The following MYL4 variants were observed in gnomAD, a reference collection of about 807,000 sequenced individuals.
MYL4 encodes the protein atrial myosin light chain 1.
In MYL4, 16 loss-of-function variants were observed where a neutral mutation model predicts 21.6. That is an observed-to-expected ratio of 0.74 (90% confidence interval 0.50 to 1.12). MYL4 has a LOEUF of 1.12. MYL4 is among the 50% of genes most tolerant of loss of function. The pLI, the probability that MYL4 is intolerant of heterozygous loss-of-function variation, is 0.00. For synonymous variants in MYL4, 82 were observed against 95.7 expected (o/e 0.86, Z 0.83); for missense variants, 249 against 252.9 (o/e 0.98, Z 0.11).
chr17:47,205,406 T>C (rs974942264), upstream of MYL4, among the ~76,000 whole-genome samples: 1 of 152,120 alleles, frequency 6.6e-6, no homozygotes, highest in African/African-American at 2.4e-5. Context: ...GGAAGGATGC[T>C]CTCGATTGGT....
At chr17:47,225,780 T>C (rs2064882986), downstream of MYL4, among the ~76,000 whole-genome samples, 1 of 151,948 alleles carries the variant, frequency 6.6e-6, no homozygotes, top group African/African-American at 2.4e-5. Context: ...TCCTTTTCTT[T>C]AAATCACACC....
At chr17:47,193,175 C>G in the MYL4 span, among the ~76,000 whole-genome samples, 1 of 151,888 alleles carries the variant, frequency 6.6e-6, no homozygotes, top group African/African-American at 2.4e-5. Flanking sequence ...CACCCCCACC[C>G]CACCCTCACC....
At chr17:47,205,367 T>G (rs542665448), upstream of MYL4, among the ~76,000 whole-genome samples, 2 of 149,794 alleles carry the variant, frequency 1.3e-5, no homozygotes, top group Admixed American at 6.6e-5. Flanking sequence ...CAACACATAT[T>G]GTAGGGCAAG....
chr17:47,222,341 C>A, intron 4 of MYL4, 39 bp from the exon 5 acceptor site: 1 of 1,594,670 alleles, frequency 6.3e-7, no homozygotes, highest in Non-Finnish European at 8.6e-7. Flanking sequence ...CCTTTGCCAT[C>A]TGTAATTAAG....
intron 2 of MYL4, among the ~76,000 whole-genome samples, chr17:47,216,156 C>T (rs1462456047): frequency 1.3e-5 from 2 of 151,874 alleles, no homozygotes; most frequent in Non-Finnish European, 2.9e-5. Context: ...GCTTCTCATC[C>T]CTCTCCAGAC....
At position 47,221,840 on chromosome 17, in the gene MYL4, G is replaced by T; in HGVS notation, c.472G>T (p.Val158Phe). 1 of 1,613,486 alleles carries T rather than the reference G, an allele frequency of 6.2e-7. No homozygotes were observed. The highest frequency in any genetic ancestry group is 8.5e-7 in the Non-Finnish European group (1 of 1,179,664). ...GGTCATGGGTGCTGAGCTTCGGCAC[G>T]TCCTTGCCACCCTGGGTATGCCAGC... ...GTVMGAELRHVLATLGEKMTE... is the reference protein window; with the variant it reads ...GTVMGAELRHFLATLGEKMTE... The change falls in exon 4 of 7, where the codon GTC becomes TTC. Residue 158 changes from valine (V) to phenylalanine (F), a missense_variant. Physicochemically the swap from Val to Phe is conservative, Grantham distance 50. Transcript: ENST00000393450.
chr17:47,201,908 A>C (rs531209815), intron 1 of MYL4, among the ~76,000 whole-genome samples: 1 of 152,350 alleles, frequency 6.6e-6, no homozygotes, highest in Non-Finnish European at 1.5e-5. Context: ...TATTATTAAA[A>C]ATTTTAATAA....
At chr17:47,224,649 C>T (rs1259328804), downstream of MYL4, among the ~76,000 whole-genome samples, 1 of 152,198 alleles carries the variant, frequency 6.6e-6, no homozygotes. Context: ...GCTTATTTCA[C>T]TTAGCACAAT....
At chr17:47,225,355 GGTTC>G (rs2064881174), downstream of MYL4, among the ~76,000 whole-genome samples, 1 of 152,168 alleles carries the variant, frequency 6.6e-6, no homozygotes, top group African/African-American at 2.4e-5. Context: ...GTTGAGCAGG[GGTTC>G]ATTGAATCCA....
chr17:47,189,450 GC>G, the MYL4 span: 17 of 543,102 alleles, frequency 3.1e-5, no homozygotes, highest in Middle Eastern at 1.5e-3. Flanking sequence ...ATTACCGGAA[GC>G]TACCGAGTCT....
At chr17:47,198,993 G>A (rs973109593), upstream of MYL4, among the ~76,000 whole-genome samples, 2 of 151,796 alleles carry the variant, frequency 1.3e-5, no homozygotes. Flanking sequence ...CCAGCACTTT[G>A]GGAGGCCGAG....
upstream of MYL4, among the ~76,000 whole-genome samples, chr17:47,196,604 C>T (rs915000075): frequency 1.3e-5 from 2 of 152,134 alleles, no homozygotes; most frequent in Non-Finnish European, 2.9e-5. Context: ...ATACATTTCC[C>T]TTACTCTTTG....
At chr17:47,191,633 G>T in the MYL4 span, among the ~76,000 whole-genome samples, 6 of 152,110 alleles carry the variant, frequency 3.9e-5, no homozygotes, top group Non-Finnish European at 8.8e-5. Context: ...ACCACGCCCG[G>T]TTAATTTTTG....
In MYL4 at chr17:47,221,057, A is replaced by G. The variant is rs138657889; in HGVS notation, c.314-625A>G. ...AGCAAGTCCTGTGTGCTTATAAAAGAAAGAAATGCCCACATTTGTGATATT... is the reference window on the plus strand; with the variant it reads ...AGCAAGTCCTGTGTGCTTATAAAAGGAAGAAATGCCCACATTTGTGATATT... On this transcript the variant is annotated intron_variant, in intron 3 of 6. Coordinates refer to ENST00000393450, the MANE Select transcript of MYL4 (RefSeq NM_002476.2). Among the ~76,000 whole-genome samples the G allele has an allele frequency of 5.3e-5, 8 of 152,336 alleles. No homozygotes were observed. In the East Asian group the frequency reaches 1.5e-3, roughly 29 times the overall value.
At chr17:47,219,472 T>C (rs2064838048) in intron 2 of MYL4, among the ~76,000 whole-genome samples, 1 of 152,054 alleles carries the variant, frequency 6.6e-6, no homozygotes, top group Non-Finnish European at 1.5e-5. Flanking sequence ...CAGAGCGGGA[T>C]GTGTGGGTGG....
chr17:47,213,792 C>G lies in MYL4; in HGVS notation c.136-7C>G, dbSNP rs745419430. The G allele has an allele frequency of 1.2e-6, 2 of 1,614,106 alleles. No homozygotes were observed. Among genetic ancestry groups the G allele is most frequent in the East Asian group, 2.2e-5 (1 of 44,884 alleles). ...CCAAGCCCTCACTACTATTTCCCTC[C>G]CTACAGATAGACTTCACTGCCGACC... On this transcript the variant is annotated splice_polypyrimidine_tract_variant and splice_region_variant and intron_variant, in intron 1 of 6. Coordinates refer to ENST00000393450, the MANE Select transcript of MYL4 (RefSeq NM_002476.2).
chr17:47,209,669 G>A (rs2064758007), intron 1 of MYL4, 112 bp downstream of exon 1: 1 of 1,537,552 alleles, frequency 6.5e-7, no homozygotes, highest in African/African-American at 1.4e-5. Flanking sequence ...GGACTAGGGT[G>A]TCCATGCCCC....
rs9630733 is a variant in MYL4 at position 47,213,075 on chromosome 17, C to T, written c.136-724C>T. ...GGGGAGTGGTGGTGCCCAAAGAGGG[C>T]AGAAGTGCAGCTTGTCAGAGGACTA... On this transcript the variant is annotated intron_variant, in intron 1 of 6. Transcript: ENST00000393450. Among the ~76,000 whole-genome samples the T allele has an allele frequency of 4.2e-3, 642 of 152,044 alleles. 8 individuals carry two copies. The highest frequency in any genetic ancestry group is 0.015 in the African/African-American group (612 of 41,452).
At chr17:47,218,836 C>T (rs1031991311) in intron 2 of MYL4, among the ~76,000 whole-genome samples, 4 of 152,148 alleles carry the variant, frequency 2.6e-5, no homozygotes, top group Non-Finnish European at 5.9e-5. Context: ...AGTTAAGGTT[C>T]TTTGAAAAAG....
Sources: allele counts gnomAD v4.1 joint callset (sites outside exome capture counted in the v4.1 genomes callset), GRCh38; gene constraint gnomAD v4.1.1; transcripts MANE v1.5; gene names NCBI Gene and HGNC (gene_info 2026-07-23, HGNC 2026-07-21).